GPN1: variants seen among roughly 807,000 people sequenced by gnomAD.
GPN1 encodes GPN-loop GTPase 1.
GPN1 carries 44 observed loss-of-function variants against 55.9 expected under a neutral mutation model. The ratio of observed to expected loss-of-function variants is 0.79; its 90% CI spans 0.62 to 1.01. GPN1 has a LOEUF of 1.01. Ranked by LOEUF, GPN1 falls within the 50% of genes least tolerant of loss-of-function variation. The probability of loss-of-function intolerance (pLI) is 0.00; values close to 1 mark genes in which losing one functional copy is unlikely to be tolerated. For synonymous variants in GPN1, 179 were observed against 162.5 expected, an observed-to-expected ratio of 1.10 and a Z score of -0.77; for missense variants, 466 against 462.8, an observed-to-expected ratio of 1.01 and a Z score of -0.06.
Position 27,650,923 on chromosome 2 carries a change from AAC to A in GPN1, c.*725_*726del, listed in dbSNP as rs1674506094. On this transcript the variant is annotated 3_prime_UTR_variant, in exon 14 of 14. Coordinates refer to ENST00000610189, the MANE Select transcript of GPN1 (RefSeq NM_007266.4). ...GCAAACAGCTTCACTTCTCCTGTTCAACAGAGGCTTAAGGCCAGATGTCCAAA... is the reference window on the plus strand; with the variant it reads ...GCAAACAGCTTCACTTCTCCTGTTCAAGAGGCTTAAGGCCAGATGTCCAAA... The A allele has an allele frequency of 6.5e-6, 1 of 152,758 alleles. No homozygotes were observed. Among genetic ancestry groups the A allele is most frequent in the Non-Finnish European group, 1.5e-5 (1 of 68,046 alleles). The allele number at this position is 152,758 out of a possible 1,614,324, so 9.5% of individuals were successfully genotyped here.
intron 2 of GPN1, among the ~76,000 whole-genome samples, chr2:27,630,240 T>C (rs186430284): frequency 2.0e-5 from 3 of 152,206 alleles, no homozygotes; most frequent in African/African-American, 7.2e-5. Flanking sequence ...TGAGCCAAGA[T>C]CGTGCCACTG....
chr2:27,637,404 A>T (rs1436763704), intron 7 of GPN1, among the ~76,000 whole-genome samples: 2 of 152,174 alleles, frequency 1.3e-5, no homozygotes, highest in African/African-American at 4.8e-5. Flanking sequence ...TAAACCTTGC[A>T]GTTCAAACCT....
At chr2:27,628,864 C>A (rs1445989063), upstream of GPN1, 1 of 1,465,022 alleles carries the variant, frequency 6.8e-7, no homozygotes, top group Non-Finnish European at 9.0e-7. Flanking sequence ...TGCTCAGCGC[C>A]CCCACTTCCT....
At chr2:27,640,819 G>A (rs1311706280) in intron 10 of GPN1, among the ~76,000 whole-genome samples, 1 of 152,158 alleles carries the variant, frequency 6.6e-6, no homozygotes, top group Non-Finnish European at 1.5e-5. Context: ...TGATTCATTA[G>A]ACACAAGGGT....
chr2:27,642,958 T>TATATACACACACACAC (rs10643705), intron 12 of GPN1, among the ~76,000 whole-genome samples: 6 of 122,610 alleles, frequency 4.9e-5, no homozygotes, highest in Admixed American at 9.2e-5. Context: ...TATATATATA[T>TATATACACACACACAC]ACACACACAC....
intron 5 of GPN1, among the ~76,000 whole-genome samples, chr2:27,633,949 C>G (rs1417379954): frequency 2.0e-5 from 3 of 151,244 alleles, no homozygotes; most frequent in African/African-American, 7.3e-5. Flanking sequence ...ATACTCATTA[C>G]CAATCACTCC....
Position 27,647,943 on chromosome 2 carries a change from G to A in GPN1, c.1039G>A (p.Val347Ile). The change falls in exon 13 of 14, where the codon GTT (valine) becomes ATT (isoleucine). Residue 347 changes from valine to isoleucine, a missense_variant and splice_region_variant. By Grantham distance (29) the Val-to-Ile change is conservative. Coordinates refer to ENST00000610189, the MANE Select transcript of GPN1 (RefSeq NM_007266.4). ...CGATACTGATGACATTGACCACAGA[G>A]GTGAGAGGTGGCTGAGGTGGCCCGT... The part of the protein sequence containing the change: ...DSDTDDIDHR[V>I]TEESHEEPAF... The A allele has an allele frequency of 6.4e-7, 1 of 1,571,472 alleles. No homozygotes were observed. The highest frequency in any genetic ancestry group is 8.8e-7 in the Non-Finnish European group (1 of 1,141,094).
chr2:27,643,015 A>G lies in GPN1; in HGVS notation c.931+496A>G, dbSNP rs902160871. On this transcript the variant is annotated intron_variant, in intron 12 of 13. Coordinates refer to ENST00000610189, the MANE Select transcript of GPN1 (RefSeq NM_007266.4). This position sits in a 1 kb window ranked among gnomAD's most constrained non-coding sequence, Gnocchi z 4.0. Reference sequence around the variant, plus strand: ...CACACATACATATGCATACATATATATTAAAAAATAAAGGATTTGGAAAGG... The same window carrying G: ...CACACATACATATGCATACATATATGTTAAAAAATAAAGGATTTGGAAAGG... 1.3e-5 allele frequency among the ~76,000 whole-genome samples: 2 copies of G among 151,046 alleles called. No individual in the cohort carries two copies. The highest frequency in any genetic ancestry group is 4.9e-5 in the African/African-American group (2 of 41,182).
intron 8 of GPN1, 40 bp from the exon 9 acceptor site, chr2:27,638,845 T>C: frequency 2.6e-6 from 4 of 1,558,170 alleles, no homozygotes; most frequent in Non-Finnish European, 3.5e-6. Context: ...TTTGCGTTTG[T>C]TGGCTCTGGT....
chr2:27,628,921 G>C (rs981608749), upstream of GPN1: 3 of 1,494,394 alleles, frequency 2.0e-6, no homozygotes, highest in Non-Finnish European at 1.8e-6. Context: ...ACGCTAAGAA[G>C]ATGCCCTGGC....
At chr2:27,635,478 T>C (rs1208115139) in intron 7 of GPN1, among the ~76,000 whole-genome samples, 1 of 152,138 alleles carries the variant, frequency 6.6e-6, no homozygotes, top group Admixed American at 6.5e-5. Context: ...AAAAAGGTGA[T>C]GTATGAATAT....
Position 27,650,218 on chromosome 2 carries a change from C to G in GPN1, c.*18C>G, listed in dbSNP as rs1558494802. 6.9e-7 allele frequency: 1 copy of G among 1,440,134 alleles called. No individual in the cohort carries two copies. Among genetic ancestry groups the G allele is most frequent in the Non-Finnish European group, 9.8e-7 (1 of 1,023,164 alleles). The allele number at this position is 1,440,134 out of a possible 1,614,324, so 89.2% of individuals were successfully genotyped here. A position where few individuals can be genotyped will look rare whatever the true frequency, so the allele number is the denominator to read the frequency against. On this transcript the variant is annotated 3_prime_UTR_variant, in exon 14 of 14. Transcript: ENST00000610189. ...ATAAATAGGAGACTTTAGCACACTT[C>G]ACTTGTTTCTAGAAGTCCAGAATTT...
chr2:27,639,140 T>A, intron 9 of GPN1, 109 bp downstream of exon 9: 1 of 866,262 alleles, frequency 1.2e-6, no homozygotes, highest in South Asian at 1.8e-5. Context: ...TACTGAAAAG[T>A]AACTTTTAAA....
Position 27,650,149 on chromosome 2 carries a change from G to T in GPN1, c.1074G>T (p.Gln358His). The T allele has an allele frequency of 6.2e-7, 1 of 1,608,636 alleles. No homozygotes were observed. The highest frequency in any genetic ancestry group is 1.1e-5 in the South Asian group (1 of 90,966). The change falls in exon 14 of 14, where the codon CAG (glutamine) becomes CAT (histidine). Residue 358 changes from glutamine (Q) to histidine (H), a missense_variant. By Grantham distance (24) the Gln-to-His change is conservative. Coordinates refer to ENST00000610189, the MANE Select transcript of GPN1 (RefSeq NM_007266.4). ...TEESHEEPAF[Q>H]NFMQESMAQY... ...AAAGCCATGAAGAGCCAGCATTCCA[G>T]AATTTTATGCAAGAATCGATGGCAC...
Position 27,634,851 on chromosome 2 carries a change from T to C in GPN1, c.356T>C (p.Val119Ala), listed in dbSNP as rs1252696886. ...AATGATCTTTCTTGACATAGATATG[T>C]GTTGATTGACACACCTGGACAGATT... ...IEKAQNMSKY[V>A]LIDTPGQIEV... The change falls in exon 6 of 14, where the codon GTG (valine) becomes GCG (alanine). Residue 119 changes from valine to alanine, a missense_variant. Coordinates refer to ENST00000610189, the MANE Select transcript of GPN1 (RefSeq NM_007266.4). 2 of 1,543,468 alleles carry C rather than the reference T, an allele frequency of 1.3e-6. No individual in the cohort carries two copies. Among genetic ancestry groups the C allele is most frequent in the South Asian group, 2.2e-5 (2 of 89,688 alleles).
rs774219871 is a variant in GPN1, at chr2:27,634,829, G to T, written c.351-17G>T. 1 of 1,383,536 alleles carries T rather than the reference G, an allele frequency of 7.2e-7. No individual in the cohort carries two copies. Among genetic ancestry groups the T allele is most frequent in the South Asian group, 1.2e-5 (1 of 86,534 alleles). The allele number at this position is 1,383,536 out of a possible 1,614,324, so 85.7% of individuals were successfully genotyped here. The stretch of plus-strand genomic sequence containing the variant: ...AACACAAATGTAACACTTCTTTAAT[G>T]ATCTTTCTTGACATAGATATGTGTT... On this transcript the variant is annotated splice_polypyrimidine_tract_variant and intron_variant, in intron 5 of 13. Transcript: ENST00000610189.
At chr2:27,633,845 G>A (rs994346750) in intron 5 of GPN1, among the ~76,000 whole-genome samples, 72 of 151,102 alleles carry the variant, frequency 4.8e-4, no homozygotes, top group African/African-American at 1.4e-3. Context: ...AAGTTCACTC[G>A]TTTAAAGTGT....
chr2:27,629,786 G>T (rs1673461688), intron 1 of GPN1, 73 bp from the exon 2 acceptor site: 8 of 820,114 alleles, frequency 9.8e-6, no homozygotes, highest in South Asian at 9.4e-5. Flanking sequence ...TTAAGGCATG[G>T]GTGTTAAAGG....
At chr2:27,636,560 T>C (rs531355113) in intron 7 of GPN1, among the ~76,000 whole-genome samples, 5 of 152,232 alleles carry the variant, frequency 3.3e-5, no homozygotes, top group African/African-American at 1.2e-4. Context: ...AGTGGCACAA[T>C]CTCACCGTAC....
Sources: allele counts gnomAD v4.1 joint callset (sites outside exome capture counted in the v4.1 genomes callset), GRCh38; gene constraint gnomAD v4.1.1; non-coding constraint Gnocchi (gnomAD v3.1); transcripts MANE v1.5; gene names NCBI Gene and HGNC (gene_info 2026-07-23, HGNC 2026-07-21).